Variants in SMYD2 observed in about 807,000 individuals in gnomAD.
The protein encoded by SMYD2 is N-lysine methyltransferase SMYD2.
In SMYD2, 53 loss-of-function variants were observed where a neutral mutation model predicts 59.1. That is an observed-to-expected ratio of 0.90 (90% CI 0.72 to 1.13). The LOEUF is 1.13. Ranked by LOEUF, SMYD2 falls within the 50% of genes most tolerant of loss-of-function variation. The pLI, the probability that SMYD2 is intolerant of heterozygous loss-of-function variation, is 0.00. For missense variants in SMYD2, 494 were observed against 544.7 expected (o/e 0.91, Z 0.93); for synonymous variants, 208 against 198.8 (o/e 1.05, Z -0.39).
intron 5 of SMYD2, among the ~76,000 whole-genome samples, chr1:214,323,126 G>A (rs988860016): frequency 1.3e-5 from 2 of 152,130 alleles, no homozygotes; most frequent in African/African-American, 2.4e-5. Flanking sequence ...CTTCAGTTTC[G>A]TCCTCTAAAA....
Position 214,312,760 on chromosome 1 carries a change from C to T in SMYD2, c.238-2002C>T, listed in dbSNP as rs764430709. 1.3e-5 allele frequency among the ~76,000 whole-genome samples: 2 copies of T among 152,156 alleles called. No homozygotes were observed. The highest frequency in any genetic ancestry group is 2.9e-5 in the Non-Finnish European group (2 of 68,026). ...ATGATGGGCTGGGGTGGTGCAGGGA[C>T]GCTCCCATCACGTGTGGCCTCCTAG... On this transcript the variant is annotated intron_variant, in intron 2 of 11. Coordinates refer to ENST00000366957, the MANE Select transcript of SMYD2 (RefSeq NM_020197.3). The surrounding 1 kb of genome is among the most constrained non-coding windows in gnomAD (Gnocchi z 4.1).
At chr1:214,332,278 G>T in intron 10 of SMYD2, 86 bp downstream of exon 10, 1 of 1,481,474 alleles carries the variant, frequency 6.8e-7, no homozygotes, top group South Asian at 1.3e-5. Flanking sequence ...CCTGCCCATT[G>T]CTGAGACTTG....
chr1:214,305,277 G>T, intron 2 of SMYD2, 27 bp downstream of exon 2: 2 of 1,608,542 alleles, frequency 1.2e-6, no homozygotes, highest in Non-Finnish European at 1.7e-6. Flanking sequence ...TGGCAGGGAG[G>T]GCCTAATTTC....
At chr1:214,332,905 A>C (rs1019408927) in intron 10 of SMYD2, 4 of 152,198 alleles carry the variant, frequency 2.6e-5, no homozygotes, top group African/African-American at 9.7e-5. Context: ...GGGTACGTCC[A>C]ACACCAAGTG....
intron 2 of SMYD2, among the ~76,000 whole-genome samples, chr1:214,309,762 A>C (rs573265556): frequency 2.7e-4 from 41 of 152,276 alleles, no homozygotes; most frequent in Non-Finnish European, 4.4e-4. Context: ...CTTTTTTTCT[A>C]AATCTTTAAC....
intron 5 of SMYD2, among the ~76,000 whole-genome samples, chr1:214,321,456 A>G (rs901953413): frequency 6.6e-6 from 1 of 152,388 alleles, no homozygotes; most frequent in South Asian, 2.1e-4. Flanking sequence ...ACTATCCCCA[A>G]AGAAAACTCC....
In SMYD2 at chr1:214,324,625, C is replaced by G; in HGVS notation, c.535-16C>G. 6.3e-7 allele frequency: 1 copy of G among 1,596,802 alleles called. No homozygotes were observed. ...TCCAGCTCATTTTTTTCCTTTCTCC[C>G]TTTTTCTTGCTGCAGGTTAACTGTA... On this transcript the variant is annotated splice_polypyrimidine_tract_variant and intron_variant, in intron 5 of 11. Coordinates refer to ENST00000366957, the MANE Select transcript of SMYD2 (RefSeq NM_020197.3).
intron 1 of SMYD2, among the ~76,000 whole-genome samples, chr1:214,287,938 G>C (rs1271724974): frequency 6.6e-6 from 1 of 152,190 alleles, no homozygotes; most frequent in East Asian, 1.9e-4. Context: ...CATCCTTTAA[G>C]ACTTCAAATG....
At chr1:214,296,041 T>C (rs757660259) in intron 1 of SMYD2, among the ~76,000 whole-genome samples, 2 of 152,370 alleles carry the variant, frequency 1.3e-5, no homozygotes, top group South Asian at 4.1e-4. Context: ...TCTGTCACCA[T>C]TAGTTAAAAG....
chr1:214,292,512 CTCA>C (rs1656652863), intron 1 of SMYD2, among the ~76,000 whole-genome samples: 1 of 152,144 alleles, frequency 6.6e-6, no homozygotes, highest in Non-Finnish European at 1.5e-5. Flanking sequence ...CTAGGTCTTA[CTCA>C]TCTTTGTAAC....
intron 1 of SMYD2, among the ~76,000 whole-genome samples, chr1:214,287,216 G>A (rs537882653): frequency 8.9e-4 from 136 of 152,084 alleles, no homozygotes; most frequent in African/African-American, 2.9e-3. Flanking sequence ...TTTTAGGGGC[G>A]TTTTTATGGA....
At chr1:214,326,297 C>T (rs1337682458) in intron 6 of SMYD2, among the ~76,000 whole-genome samples, 4 of 151,196 alleles carry the variant, frequency 2.6e-5, no homozygotes, top group Non-Finnish European at 5.9e-5. Flanking sequence ...CAGTGGTTGC[C>T]AACAGAATTA....
chr1:214,335,407 A>G (rs970897710), intron 11 of SMYD2, among the ~76,000 whole-genome samples: 7 of 152,248 alleles, frequency 4.6e-5, no homozygotes, highest in African/African-American at 1.7e-4. Flanking sequence ...TGAGCAAGGA[A>G]CATGAGTCTT....
intron 1 of SMYD2, among the ~76,000 whole-genome samples, chr1:214,303,959 C>T (rs562283022): frequency 2.4e-4 from 37 of 152,316 alleles, no homozygotes; most frequent in South Asian, 2.1e-4. Flanking sequence ...TTACCGATTG[C>T]GCTCTGACTT....
At chr1:214,327,825 G>A (rs1469502163) in intron 7 of SMYD2, 101 bp downstream of exon 7, 1 of 984,898 alleles carries the variant, frequency 1.0e-6, no homozygotes. Flanking sequence ...AGTATGAGTT[G>A]TGAATGCCTC....
intron 1 of SMYD2, among the ~76,000 whole-genome samples, chr1:214,295,706 C>T (rs995081507): frequency 1.3e-5 from 2 of 152,190 alleles, no homozygotes; most frequent in Non-Finnish European, 2.9e-5. Flanking sequence ...ACGTGGGTCC[C>T]GTTCACTGTT....
chr1:214,326,071 C>T (rs1384602621), intron 6 of SMYD2, among the ~76,000 whole-genome samples: 3 of 151,790 alleles, frequency 2.0e-5, no homozygotes, highest in Non-Finnish European at 4.4e-5. Context: ...AACCCCGTCT[C>T]TACTAAAAAT....
In SMYD2 at chr1:214,311,233, C is replaced by T. The variant is rs562240917; in HGVS notation, c.238-3529C>T. Among the ~76,000 whole-genome samples the T allele has an allele frequency of 8.5e-5, 13 of 152,270 alleles. No individual in the cohort carries two copies. The South Asian group carries it at 2.7e-3, about 32-fold the overall frequency. On this transcript the variant is annotated intron_variant, in intron 2 of 11. Coordinates refer to ENST00000366957, the MANE Select transcript of SMYD2 (RefSeq NM_020197.3). ...TTGAATGAATGAATGAATGAATGAG[C>T]AATTACCAATGTTTCAGAGCGCAGC...
chr1:214,294,961 A>T (rs1342335893), intron 1 of SMYD2, among the ~76,000 whole-genome samples: 2 of 152,230 alleles, frequency 1.3e-5, no homozygotes, highest in African/African-American at 4.8e-5. Context: ...TTTATGCAAC[A>T]GCAAGCATAG....
Sources: gnomAD v4.1 joint callset for allele counts (sites outside exome capture counted in the v4.1 genomes callset) on GRCh38, gnomAD v4.1.1 for gene constraint, Gnocchi (gnomAD v3.1) non-coding constraint, MANE v1.5 for transcripts, NCBI Gene and HGNC (gene_info 2026-07-23, HGNC 2026-07-21) for gene names.